The following HPSE2 variants were observed in gnomAD, a reference collection of about 807,000 sequenced individuals.
HPSE2 encodes the protein inactive heparanase-2.
A neutral mutation model predicts 60.5 loss-of-function variants in HPSE2; 38 were observed. The ratio of observed to expected loss-of-function variants is 0.63; its 90% CI spans 0.48 to 0.82. The LOEUF is 0.82. Among genes scored for constraint, HPSE2 ranks in the 40% least tolerant of loss-of-function variants. The pLI is 0.00. For synonymous variants in HPSE2, 295 were observed against 293.2 expected, an observed-to-expected ratio of 1.01 and a Z score of -0.06; for missense variants, 713 against 740.4, an observed-to-expected ratio of 0.96 and a Z score of 0.43.
intron 9 of HPSE2, among the ~76,000 whole-genome samples, chr10:98,514,073 C>T (rs1248446289): frequency 6.6e-6 from 1 of 151,952 alleles, no homozygotes; most frequent in African/African-American, 2.4e-5. Context: ...TATATACATA[C>T]ATAAATGGAA....
intron 2 of HPSE2, among the ~76,000 whole-genome samples, chr10:99,154,615 A>G (rs1194798849): frequency 6.6e-6 from 1 of 151,840 alleles, no homozygotes; most frequent in African/African-American, 2.4e-5. Context: ...CTAAACATGG[A>G]AAGGAACAAC....
At chr10:99,003,659 G>A (rs1488436424) in intron 3 of HPSE2, among the ~76,000 whole-genome samples, 1 of 151,896 alleles carries the variant, frequency 6.6e-6, no homozygotes, top group Non-Finnish European at 1.5e-5. Context: ...CAGGTCCTTT[G>A]CCCAGTTATT....
At chr10:98,560,842 T>TA (rs1944152325) in intron 9 of HPSE2, among the ~76,000 whole-genome samples, 1 of 142,542 alleles carries the variant, frequency 7.0e-6, no homozygotes, top group East Asian at 2.2e-4. Context: ...GTAATCATGG[T>TA]AAAAAACAAA....
At chr10:98,497,959 C>T (rs1941904452) in intron 9 of HPSE2, among the ~76,000 whole-genome samples, 1 of 152,162 alleles carries the variant, frequency 6.6e-6, no homozygotes, top group South Asian at 2.1e-4. Flanking sequence ...GGCCAGAAAT[C>T]TGTCAATATG....
intron 3 of HPSE2, among the ~76,000 whole-genome samples, chr10:99,121,425 T>C (rs945313269): frequency 1.3e-5 from 2 of 151,958 alleles, no homozygotes; most frequent in African/African-American, 2.4e-5. Flanking sequence ...AACCTGCACA[T>C]GTACCACTGA....
intron 3 of HPSE2, among the ~76,000 whole-genome samples, chr10:98,835,383 G>A (rs1337643648): frequency 6.6e-6 from 1 of 151,954 alleles, no homozygotes. Context: ...ACACAAAAAT[G>A]AACAAGACAA....
In HPSE2 at chr10:98,867,399, T is replaced by C. The variant is rs531762279; in HGVS notation, c.611-123343A>G. 9.2e-5 allele frequency among the ~76,000 whole-genome samples: 14 copies of C among 151,912 alleles called. No individual in the cohort carries two copies. In the South Asian group the frequency reaches 2.7e-3, roughly 29 times the overall value. ...TGGCAAAAAGCATATGAAAAAGTGC[T>C]CAACAACATTGATCATCAGAGAAAT... On this transcript the variant is annotated intron_variant, in intron 3 of 11. Coordinates refer to ENST00000370552, the MANE Select transcript of HPSE2 (RefSeq NM_021828.5).
At chr10:99,125,410 T>C (rs1040452760) in intron 3 of HPSE2, among the ~76,000 whole-genome samples, 8 of 152,358 alleles carry the variant, frequency 5.3e-5, no homozygotes, top group South Asian at 2.1e-4. Context: ...CCCTGGCTCC[T>C]AGACTATAAT....
At chr10:98,513,027 T>C (rs1942471351) in intron 9 of HPSE2, among the ~76,000 whole-genome samples, 1 of 152,248 alleles carries the variant, frequency 6.6e-6, no homozygotes, top group Non-Finnish European at 1.5e-5. Flanking sequence ...ATTGGTGGGA[T>C]TATCCAGTTC....
intron 9 of HPSE2, among the ~76,000 whole-genome samples, chr10:98,564,561 A>C (rs747973513): frequency 1.1e-4 from 16 of 152,200 alleles, no homozygotes; most frequent in Non-Finnish European, 1.8e-4. Context: ...CAAACTCATA[A>C]TGGTTACTCA....
At chr10:99,137,555 A>C (rs1411797251) in intron 3 of HPSE2, among the ~76,000 whole-genome samples, 3 of 152,186 alleles carry the variant, frequency 2.0e-5, no homozygotes, top group Non-Finnish European at 2.9e-5. Context: ...TATATAGACC[A>C]ATGGAAAAGA....
At chr10:99,012,270 T>G (rs766221702) in intron 3 of HPSE2, among the ~76,000 whole-genome samples, 1 of 152,120 alleles carries the variant, frequency 6.6e-6, no homozygotes, top group Admixed American at 6.6e-5. Context: ...ATAAGAACCA[T>G]TGAAAGTAAT....
chr10:98,469,098 T>C (rs1940673857), intron 11 of HPSE2, among the ~76,000 whole-genome samples: 1 of 152,196 alleles, frequency 6.6e-6, no homozygotes, highest in East Asian at 1.9e-4. Flanking sequence ...ATTTGATCTG[T>C]ATTCTATCCA....
At chr10:99,305,816 T>C in the HPSE2 span, among the ~76,000 whole-genome samples, 1 of 152,096 alleles carries the variant, frequency 6.6e-6, no homozygotes, top group Non-Finnish European at 1.5e-5. Context: ...ATGGAATTTA[T>C]AGAAAGAATC....
intron 2 of HPSE2, among the ~76,000 whole-genome samples, chr10:99,156,907 A>G (rs1033596615): frequency 2.5e-5 from 3 of 119,102 alleles, no homozygotes; most frequent in Non-Finnish European, 5.8e-5. Context: ...GCAAAGTCTC[A>G]GGATACAAAA....
chr10:98,765,735 C>A (rs961311508), intron 3 of HPSE2, among the ~76,000 whole-genome samples: 1 of 151,956 alleles, frequency 6.6e-6, no homozygotes, highest in Non-Finnish European at 1.5e-5. Flanking sequence ...CCCAGTTACT[C>A]AGGAGGCTGA....
At chr10:99,063,742 T>C (rs993344565) in intron 3 of HPSE2, among the ~76,000 whole-genome samples, 1 of 152,222 alleles carries the variant, frequency 6.6e-6, no homozygotes, top group Admixed American at 6.5e-5. Flanking sequence ...CATATGTTTA[T>C]ATAAATGTGC....
At chr10:99,141,299 C>A (rs1192093191) in intron 3 of HPSE2, among the ~76,000 whole-genome samples, 1 of 152,032 alleles carries the variant, frequency 6.6e-6, no homozygotes, top group Admixed American at 6.6e-5. Flanking sequence ...GGGAAAAGTG[C>A]AGTACATGAC....
At chr10:99,006,703 C>A (rs1370729513) in intron 3 of HPSE2, among the ~76,000 whole-genome samples, 1 of 152,148 alleles carries the variant, frequency 6.6e-6, no homozygotes, top group Non-Finnish European at 1.5e-5. Flanking sequence ...ACCTACAGCC[C>A]AAGTCTGTAG....
Sources: gnomAD v4.1 joint callset for allele counts (sites outside exome capture counted in the v4.1 genomes callset) on GRCh38, gnomAD v4.1.1 for gene constraint, MANE v1.5 for transcripts, NCBI Gene and HGNC (gene_info 2026-07-23, HGNC 2026-07-21) for gene names.